Variants in HAL observed in about 807,000 individuals in gnomAD.
HAL encodes the protein histidase.
In HAL, 85 loss-of-function variants were observed where a neutral mutation model predicts 81.1. The observed-to-expected ratio is 1.05, with a 90% CI of 0.88 to 1.25. HAL has a LOEUF of 1.25. Among genes scored for constraint, HAL ranks in the 50% most tolerant of loss-of-function variants. The pLI, the probability that HAL is intolerant of heterozygous loss-of-function variation, is 0.00. For missense variants in HAL, 798 were observed against 836.6 expected (o/e 0.95, Z 0.57); for synonymous variants, 301 against 309.2 (o/e 0.97, Z 0.28).
rs970193323 is a variant in HAL, at chr12:95,988,195, CTT to C, written c.899_900del (p.Lys300ArgfsTer18). 1 of 1,470,102 alleles carries C rather than the reference CTT, an allele frequency of 6.8e-7. No homozygotes were observed. Among genetic ancestry groups the C allele is most frequent in the Admixed American group, 1.7e-5 (1 of 59,826 alleles). 91.1% of individuals were successfully genotyped at this position (1,470,102 alleles called of 1,614,324 possible). A position where few individuals can be genotyped will look rare whatever the true frequency, so the allele number is the denominator to read the frequency against. ...HGLKPVILKP[K>X]EGLALINGTQ... is the part of the protein sequence containing the mutation. ...ATATTTTTCTTGAGTTTCCTTACCT[CTT>C]TTGGTTTTAAAATAACTGGTTTCAA... On this transcript the variant is annotated frameshift_variant, in exon 11 of 21. Transcript: ENST00000261208. LOFTEE classifies it high-confidence loss of function.
intron 15 of HAL, among the ~76,000 whole-genome samples, chr12:95,981,722 A>T (rs948507438): frequency 2.6e-5 from 4 of 152,196 alleles, no homozygotes; most frequent in African/African-American, 9.6e-5. Context: ...GGCCTCCCAA[A>T]GTGCTGGGAT....
chr12:95,974,524 T>G, intron 20 of HAL, 152 bp from the exon 21 acceptor site: 2 of 732,814 alleles, frequency 2.7e-6, no homozygotes, highest in Non-Finnish European at 4.9e-6. Context: ...ATTTGACACA[T>G]GACCTGTGTC....
intron 18 of HAL, 110 bp downstream of exon 18, chr12:95,977,834 C>G (rs1400597842): frequency 3.4e-6 from 4 of 1,189,846 alleles, no homozygotes; most frequent in Non-Finnish European, 2.5e-6. Context: ...GTCTGCCTTC[C>G]TAACAAGTTT....
At chr12:95,992,353 C>T (rs77817563) in intron 9 of HAL, among the ~76,000 whole-genome samples, 6,090 of 152,294 alleles carry the variant, frequency 0.04, 146 homozygotes, top group Non-Finnish European at 0.065. Flanking sequence ...TTTTTCTAAC[C>T]ATATTCATGT....
chr12:95,987,355 G>T, intron 11 of HAL, 141 bp from the exon 12 acceptor site: 1 of 740,640 alleles, frequency 1.4e-6, no homozygotes, highest in South Asian at 1.5e-5. Context: ...TTTCTAAAGT[G>T]CGGGACAGTA....
intron 15 of HAL, among the ~76,000 whole-genome samples, chr12:95,982,656 AAC>A (rs1227901985): frequency 6.6e-6 from 1 of 152,206 alleles, no homozygotes; most frequent in Non-Finnish European, 1.5e-5. Context: ...GAGAACATAA[AAC>A]ACACATTCTG....
chr12:95,991,247 T>G (rs563314664), intron 9 of HAL, among the ~76,000 whole-genome samples: 60 of 104,760 alleles, frequency 5.7e-4, no homozygotes, highest in Non-Finnish European at 8.5e-4. Context: ...GAACTAGCTG[T>G]TTTTTTTTGT....
intron 9 of HAL, among the ~76,000 whole-genome samples, chr12:95,991,427 C>A (rs934800015): frequency 1.3e-5 from 2 of 152,252 alleles, no homozygotes; most frequent in African/African-American, 4.8e-5. Context: ...GGAGGTGGTG[C>A]ACCAAAGCAT....
chr12:95,978,265 G>A (rs2080748404), intron 17 of HAL, among the ~76,000 whole-genome samples, 187 bp from the exon 18 acceptor site: 1 of 151,974 alleles, frequency 6.6e-6, no homozygotes, highest in South Asian at 2.1e-4. Context: ...TTCCCCAAGT[G>A]AGGACTCTAA....
In HAL at chr12:95,973,017, C is replaced by T. The variant is rs1233904151; in HGVS notation, c.*1215G>A. Reference sequence around the variant, plus strand: ...GCAGCAGTTTTCACTTCAGTTTCCACCTGACAGGTTGTAAATCTAAAGGGT... The same window carrying T: ...GCAGCAGTTTTCACTTCAGTTTCCATCTGACAGGTTGTAAATCTAAAGGGT... On this transcript the variant is annotated 3_prime_UTR_variant, in exon 21 of 21. Coordinates refer to ENST00000261208, the MANE Select transcript of HAL (RefSeq NM_002108.4). 1.3e-5 allele frequency: 2 copies of T among 152,232 alleles called. No homozygotes were observed. The highest frequency in any genetic ancestry group is 2.9e-5 in the Non-Finnish European group (2 of 68,048). The allele number at this position is 152,232 out of a possible 1,614,324, so 9.4% of individuals were successfully genotyped here. A position where few individuals can be genotyped will look rare whatever the true frequency, so the allele number is the denominator to read the frequency against.
chr12:95,986,178 G>C lies in HAL; in HGVS notation c.1052-18C>G. ...ATGAATGTCTAGAATTGATGAAGGA[G>C]AAAAAGTCTGAATAATTCCATTTAT... On this transcript the variant is annotated intron_variant, in intron 12 of 20. Coordinates refer to ENST00000261208, the MANE Select transcript of HAL (RefSeq NM_002108.4). 1.5e-6 allele frequency: 2 copies of C among 1,312,132 alleles called. No homozygotes were observed. The highest frequency in any genetic ancestry group is 2.2e-6 in the Non-Finnish European group (2 of 904,274). 81.3% of individuals were successfully genotyped at this position (1,312,132 alleles called of 1,614,324 possible).
At position 95,980,735 on chromosome 12, in the gene HAL, T is replaced by C; in HGVS notation, c.1354-14A>G. ...GTAGTCTAGGGCCTGAAAGAGGGTC[T>C]CCATTTAGTCAGCCTATATTGAAAT... On this transcript the variant is annotated splice_polypyrimidine_tract_variant and intron_variant, in intron 16 of 20. Transcript: ENST00000261208. 6.2e-7 allele frequency: 1 copy of C among 1,612,296 alleles called. No homozygotes were observed. The highest frequency in any genetic ancestry group is 2.2e-5 in the East Asian group (1 of 44,882).
Position 95,987,153 on chromosome 12 carries a change from C to T in HAL, c.965G>A (p.Arg322Gln), listed in dbSNP as rs121434330. The change falls in exon 12 of 21, where the codon CGA (arginine) becomes CAA (glutamine). Residue 322 changes from arginine to glutamine, a missense_variant. Arg to Gln is a conservative substitution (Grantham distance 43, BLOSUM62 1). Transcript: ENST00000261208. ...ITSLGCEAVERASAIARQADI... is the reference protein window; with the variant it reads ...ITSLGCEAVEQASAIARQADI... ...AGCCTGCCGTGCAATAGCACTGGCT[C>T]GCTCTACAGCTTCACAGCCCAGGGA... 2.2e-5 allele frequency: 36 copies of T among 1,613,520 alleles called. No individual in the cohort carries two copies. The South Asian group carries it at 2.7e-4, about 12-fold the overall frequency.
In HAL at chr12:95,973,198, G is replaced by T. The variant is rs575924522; in HGVS notation, c.*1034C>A. 2.1e-4 allele frequency: 32 copies of T among 152,216 alleles called. No individual in the cohort carries two copies. The highest frequency in any genetic ancestry group is 7.5e-4 in the African/African-American group (31 of 41,528). 9.4% of individuals were successfully genotyped at this position (152,216 alleles called of 1,614,324 possible). ...GGCCTTGCACATATATGCACACACT[G>T]GTGCAAAGTCACAGAGCTTAGACTT... On this transcript the variant is annotated 3_prime_UTR_variant, in exon 21 of 21. Transcript: ENST00000261208.
intron 7 of HAL, 124 bp from the exon 8 acceptor site, chr12:95,993,612 C>A (rs755588127): frequency 5.3e-5 from 46 of 867,290 alleles, no homozygotes; most frequent in Non-Finnish European, 8.9e-5. Flanking sequence ...ATGGGAGAAA[C>A]CAGCCAGCCT....
In HAL at chr12:95,985,524, A is replaced by T. The variant is rs184714850; in HGVS notation, c.1206+384T>A. Among the ~76,000 whole-genome samples the T allele has an allele frequency of 1.1e-3, 161 of 151,624 alleles. 1 individual carries two copies. The highest frequency in any genetic ancestry group is 3.7e-3 in the African/African-American group (155 of 41,372). On this transcript the variant is annotated intron_variant, in intron 14 of 20. Transcript: ENST00000261208. ...AGAATCACTTGAACCTGGGAGGTGA[A>T]GATTGTAGTGAACAGAGATCATGCC...
intron 15 of HAL, 173 bp downstream of exon 15, chr12:95,983,738 C>G: frequency 1.6e-6 from 1 of 640,384 alleles, no homozygotes; most frequent in Non-Finnish European, 2.8e-6. Context: ...CTGCCACTTA[C>G]CAGCTCTGAC....
At position 95,995,937 on chromosome 12, in the gene HAL, G is replaced by A; in HGVS notation, c.-27C>T. The A allele has an allele frequency of 6.2e-7, 1 of 1,600,154 alleles. No homozygotes were observed. Among genetic ancestry groups the A allele is most frequent in the South Asian group, 1.1e-5 (1 of 90,840 alleles). ...GCTCCGCTGCAGCCTGAGGTCCTCAGCTGGTCACAGGAGGGGAGAGCTTTA... is the reference window on the plus strand; with the variant it reads ...GCTCCGCTGCAGCCTGAGGTCCTCAACTGGTCACAGGAGGGGAGAGCTTTA... On this transcript the variant is annotated 5_prime_UTR_variant, in exon 2 of 21. Transcript: ENST00000261208.
chr12:95,993,373 A>G, intron 8 of HAL, 78 bp downstream of exon 8: 3 of 933,100 alleles, frequency 3.2e-6, no homozygotes, highest in Middle Eastern at 2.1e-4. Flanking sequence ...TGTGACTATA[A>G]CTGGATAACT....
Sources: allele counts gnomAD v4.1 joint callset (sites outside exome capture counted in the v4.1 genomes callset), GRCh38; gene constraint gnomAD v4.1.1; transcripts MANE v1.5; gene names NCBI Gene and HGNC (gene_info 2026-07-23, HGNC 2026-07-21).